Variants in AGBL4 observed in about 807,000 individuals in gnomAD.
AGBL4 encodes the protein AGBL carboxypeptidase 4.
Under a neutral mutation model 66.4 loss-of-function variants are expected in AGBL4, and 58 were observed. The ratio of observed to expected loss-of-function variants is 0.87; its 90% confidence interval spans 0.71 to 1.09. AGBL4 has a LOEUF of 1.09. Among genes scored for constraint, AGBL4 ranks in the 50% least tolerant of loss-of-function variants. AGBL4 has a pLI of 0.00. For missense variants in AGBL4, 579 were observed against 631.0 expected (o/e 0.92, Z 0.88); for synonymous variants, 234 against 222.9 (o/e 1.05, Z -0.44).
chr1:49,845,603 C>T (rs201358654), intron 2 of AGBL4: 1 of 1,607,770 alleles, frequency 6.2e-7, no homozygotes. Context: ...TGTGGAAAAG[C>T]CTTCACCCAG....
At chr1:48,669,274 C>A (rs74076217) in intron 6 of AGBL4, among the ~76,000 whole-genome samples, 1,968 of 152,328 alleles carry the variant, frequency 0.013, 46 homozygotes, top group African/African-American at 0.044. Flanking sequence ...ATCCCTGCCA[C>A]ATGGCTTCAC....
At chr1:48,731,526 T>C (rs1030130534) in intron 6 of AGBL4, among the ~76,000 whole-genome samples, 3 of 151,990 alleles carry the variant, frequency 2.0e-5, no homozygotes, top group Admixed American at 1.3e-4. Context: ...GACAGCAGCA[T>C]CCACCCACCC....
intron 6 of AGBL4, among the ~76,000 whole-genome samples, chr1:48,680,898 T>C (rs1025382351): frequency 6.6e-6 from 1 of 152,112 alleles, no homozygotes; most frequent in Non-Finnish European, 1.5e-5. Flanking sequence ...TTGCAGGTAA[T>C]AGAGAATGGG....
At position 48,620,830 on chromosome 1, in the gene AGBL4, TG is replaced by T. The variant is rs1377771777; in HGVS notation, c.951+13662del. Among the ~76,000 whole-genome samples, 3 of 152,194 alleles carry T rather than the reference TG, an allele frequency of 2.0e-5. No homozygotes were observed. The East Asian group carries it at 5.8e-4, about 29-fold the overall frequency. The stretch of plus-strand genomic sequence containing the variant: ...TAAGTGCTTAGTGGGTTTTTGTGTG[TG>T]TATGTGGTGTTTTTTTAATCCTCAC... On this transcript the variant is annotated intron_variant, in intron 9 of 13. Transcript: ENST00000371839.
chr1:49,970,657 T>C (rs1397813285), intron 1 of AGBL4, among the ~76,000 whole-genome samples: 5 of 146,580 alleles, frequency 3.4e-5, no homozygotes, highest in Non-Finnish European at 5.9e-5. Flanking sequence ...GATCGCACCA[T>C]GGCACTCCAG....
chr1:49,038,393 ACCT>A (rs1389359570), intron 5 of AGBL4, among the ~76,000 whole-genome samples: 1 of 152,004 alleles, frequency 6.6e-6, no homozygotes, highest in African/African-American at 2.4e-5. Flanking sequence ...GCTGAACATA[ACCT>A]CAGCCCAATA....
Position 48,590,863 on chromosome 1 carries a change from G to A in AGBL4, c.1074C>T (p.Leu358=). The A allele has an allele frequency of 6.2e-7, 1 of 1,604,924 alleles. No homozygotes were observed. The highest frequency in any genetic ancestry group is 1.3e-5 in the African/African-American group (1 of 74,898). ...RFQRQAIFPK[L]LCQNAEDFSY... ...AGAAGTCCTCAGCATTCTGGCAGAG[G>A]AGCTTGGGAAAAATGGCCTGCCTCT... Residue 358 remains leucine (L), a synonymous_variant, in exon 10 of 14, where the codon CTC becomes CTT. Coordinates refer to ENST00000371839, the MANE Select transcript of AGBL4 (RefSeq NM_032785.4).
chr1:49,250,360 T>C (rs2148335914), intron 3 of AGBL4, among the ~76,000 whole-genome samples: 1 of 151,392 alleles, frequency 6.6e-6, no homozygotes, highest in Non-Finnish European at 1.5e-5. Context: ...GGCAAGGAAC[T>C]GAGAGTGGAT....
chr1:49,930,925 A>T (rs886462031), intron 1 of AGBL4, among the ~76,000 whole-genome samples: 7 of 152,156 alleles, frequency 4.6e-5, no homozygotes, highest in African/African-American at 1.7e-4. Flanking sequence ...GCAAGAAAAA[A>T]TTTAAAAGCA....
chr1:48,615,638 G>C (rs1438730007), intron 9 of AGBL4, among the ~76,000 whole-genome samples: 2 of 152,184 alleles, frequency 1.3e-5, no homozygotes, highest in Non-Finnish European at 2.9e-5. Context: ...ATCTGAGTAA[G>C]ATTGCTTTTC....
At chr1:48,560,021 C>T (rs544783337) in intron 11 of AGBL4, among the ~76,000 whole-genome samples, 2 of 152,248 alleles carry the variant, frequency 1.3e-5, no homozygotes, top group Admixed American at 6.5e-5. Flanking sequence ...CTTAGTCATC[C>T]TTCAAGGCTT....
At chr1:49,117,356 T>G (rs1478479521) in intron 4 of AGBL4, among the ~76,000 whole-genome samples, 1 of 152,246 alleles carries the variant, frequency 6.6e-6, no homozygotes, top group East Asian at 1.9e-4. Flanking sequence ...GTTTTCGATC[T>G]AACATTTAAG....
chr1:49,720,935 A>T (rs1648556373), intron 2 of AGBL4, among the ~76,000 whole-genome samples: 1 of 152,168 alleles, frequency 6.6e-6, no homozygotes, highest in African/African-American at 2.4e-5. Context: ...AAAGATCATC[A>T]TGTGACAGAA....
At chr1:49,832,172 G>A (rs2148017073) in intron 2 of AGBL4, among the ~76,000 whole-genome samples, 1 of 146,736 alleles carries the variant, frequency 6.8e-6, no homozygotes, top group Non-Finnish European at 1.5e-5. Context: ...GCAGTCCCCA[G>A]AGTGTGATGC....
intron 3 of AGBL4, among the ~76,000 whole-genome samples, chr1:49,265,838 T>C (rs1445776539): frequency 6.6e-6 from 1 of 152,130 alleles, no homozygotes; most frequent in African/African-American, 2.4e-5. Context: ...TACGTGTGTA[T>C]AGACACATAT....
chr1:48,676,077 G>A (rs1457771496), intron 6 of AGBL4, among the ~76,000 whole-genome samples: 1 of 152,224 alleles, frequency 6.6e-6, no homozygotes, highest in Non-Finnish European at 1.5e-5. Flanking sequence ...TGGGGTACAT[G>A]GAAGTAGAGC....
chr1:48,925,668 C>A (rs1047625268), intron 5 of AGBL4, among the ~76,000 whole-genome samples: 6 of 152,086 alleles, frequency 3.9e-5, no homozygotes, highest in African/African-American at 1.4e-4. Context: ...ATAATCTGCA[C>A]GTTTGATACA....
chr1:48,956,973 C>T (rs1301778601), intron 5 of AGBL4, among the ~76,000 whole-genome samples: 3 of 152,090 alleles, frequency 2.0e-5, no homozygotes, highest in African/African-American at 7.2e-5. Flanking sequence ...AATAGACTAA[C>T]ATAATGAATG....
intron 4 of AGBL4, among the ~76,000 whole-genome samples, chr1:49,101,219 A>C (rs1645195418): frequency 6.6e-6 from 1 of 150,446 alleles, no homozygotes; most frequent in South Asian, 2.1e-4. Flanking sequence ...ACAGAGTTTC[A>C]CTCCATCACC....
Sources: gnomAD v4.1 joint callset for allele counts (sites outside exome capture counted in the v4.1 genomes callset) on GRCh38, gnomAD v4.1.1 for gene constraint, MANE v1.5 for transcripts, NCBI Gene and HGNC (gene_info 2026-07-23, HGNC 2026-07-21) for gene names.